SCAF11: variants seen among roughly 807,000 people sequenced by gnomAD.
SCAF11 encodes the protein protein SCAF11.
In SCAF11, 47 loss-of-function variants were observed where a neutral mutation model predicts 140.5. The ratio of observed to expected loss-of-function variants is 0.33; its 90% CI spans 0.26 to 0.43. The LOEUF is 0.43. SCAF11 is among the 20% of genes least tolerant of loss of function. SCAF11 has a pLI of 1.00. For synonymous variants in SCAF11, 557 were observed against 579.4 expected, an observed-to-expected ratio of 0.96 and a Z score of 0.55; for missense variants, 1,645 against 1,705.1, an observed-to-expected ratio of 0.96 and a Z score of 0.62.
chr12:45,986,477 GCTAA>G (rs1173410724), intron 1 of SCAF11, among the ~76,000 whole-genome samples: 1 of 152,068 alleles, frequency 6.6e-6, no homozygotes, highest in Admixed American at 6.5e-5. Context: ...AAAAAAGCCT[GCTAA>G]CTAATTCTCC....
chr12:45,970,612 T>C (rs1946050765), intron 1 of SCAF11, among the ~76,000 whole-genome samples: 1 of 152,246 alleles, frequency 6.6e-6, no homozygotes, highest in Admixed American at 6.5e-5. Flanking sequence ...AAGAAGATTA[T>C]CAGTGACCTG....
intron 1 of SCAF11, among the ~76,000 whole-genome samples, chr12:45,972,422 A>C (rs916138978): frequency 2.0e-5 from 3 of 151,902 alleles, no homozygotes; most frequent in Non-Finnish European, 2.9e-5. Flanking sequence ...TCTCTACAAA[A>C]AATAGAAAAT....
chr12:45,942,845 T>C (rs1397262823), intron 6 of SCAF11, among the ~76,000 whole-genome samples: 1 of 152,240 alleles, frequency 6.6e-6, no homozygotes, highest in African/African-American at 2.4e-5. Flanking sequence ...GCCTGTTTTA[T>C]ATTTATATTT....
At chr12:45,989,282 A>G (rs1457102102) in intron 1 of SCAF11, among the ~76,000 whole-genome samples, 1 of 152,264 alleles carries the variant, frequency 6.6e-6, no homozygotes, top group Non-Finnish European at 1.5e-5. Context: ...TGCTTTTCCC[A>G]AAATTCGGGG....
At position 45,920,796 on chromosome 12, in the gene SCAF11, A is replaced by T. The variant is rs1944688220; in HGVS notation, c.*1252T>A. On this transcript the variant is annotated 3_prime_UTR_variant, in exon 15 of 15. Coordinates refer to ENST00000369367, the MANE Select transcript of SCAF11 (RefSeq NM_004719.3). Reference sequence around the variant, plus strand: ...GCATTTGGGGATTTTCAAGTGTGAAAATATTTCATCAGTGATTAGATAAAC... The same window carrying T: ...GCATTTGGGGATTTTCAAGTGTGAATATATTTCATCAGTGATTAGATAAAC... The T allele has an allele frequency of 6.6e-6, 1 of 152,654 alleles. No homozygotes were observed. The highest frequency in any genetic ancestry group is 1.5e-5 in the Non-Finnish European group (1 of 68,016). 9.5% of individuals were successfully genotyped at this position (152,654 alleles called of 1,614,324 possible).
intron 6 of SCAF11, among the ~76,000 whole-genome samples, chr12:45,942,208 G>C (rs1338414149): frequency 1.3e-5 from 2 of 152,210 alleles, no homozygotes; most frequent in Non-Finnish European, 2.9e-5. Flanking sequence ...GTAATACACT[G>C]ATTTCTGACT....
chr12:45,934,089 G>T, intron 8 of SCAF11, 87 bp downstream of exon 8: 1 of 735,300 alleles, frequency 1.4e-6, no homozygotes, highest in Non-Finnish European at 2.0e-6. Flanking sequence ...AGTTTTTATT[G>T]GGCCCAGAGT....
At chr12:45,941,839 CATGA>C (rs1004751700) in intron 6 of SCAF11, among the ~76,000 whole-genome samples, 2 of 152,172 alleles carry the variant, frequency 1.3e-5, no homozygotes, top group African/African-American at 4.8e-5. Flanking sequence ...TCTGCTTATT[CATGA>C]ATGTTTTTCA....
At chr12:45,974,097 G>A in intron 1 of SCAF11, 1 of 418,826 alleles carries the variant, frequency 2.4e-6, no homozygotes, top group Non-Finnish European at 5.0e-6. Flanking sequence ...AAAATTTTTG[G>A]TTTCCTAGTA....
intron 6 of SCAF11, among the ~76,000 whole-genome samples, chr12:45,943,733 C>T (rs1281917152): frequency 6.6e-6 from 1 of 152,132 alleles, no homozygotes; most frequent in Admixed American, 6.6e-5. Context: ...TTGTATTACC[C>T]ACTCAAAGTA....
At chr12:45,987,724 G>A (rs1194852101) in intron 1 of SCAF11, among the ~76,000 whole-genome samples, 1 of 152,166 alleles carries the variant, frequency 6.6e-6, no homozygotes, top group African/African-American at 2.4e-5. Flanking sequence ...GAGCCTTGTA[G>A]ACCATAGGAG....
At chr12:45,929,281 C>G (rs1944984138) in intron 10 of SCAF11, 1 of 154,022 alleles carries the variant, frequency 6.5e-6, no homozygotes, top group South Asian at 2.0e-4. Flanking sequence ...CCTCAGCCTC[C>G]CAGGTAGCTG....
chr12:45,948,013 T>C (rs920332904), intron 5 of SCAF11, among the ~76,000 whole-genome samples: 1 of 152,172 alleles, frequency 6.6e-6, no homozygotes, highest in Non-Finnish European at 1.5e-5. Flanking sequence ...ACATTTTATT[T>C]TACAAAAGGT....
At chr12:45,990,619 C>G (rs1349886745), upstream of SCAF11, 11 of 1,213,320 alleles carry the variant, frequency 9.1e-6, no homozygotes, top group Admixed American at 4.2e-5. Context: ...CCTCCCCTCC[C>G]TGCGCGTCTC....
At chr12:45,990,723 G>A, upstream of SCAF11, 5 of 585,874 alleles carry the variant, frequency 8.5e-6, no homozygotes, top group Non-Finnish European at 1.2e-5. Context: ...CTCTGGCCCT[G>A]AGTGCATGTT....
intron 6 of SCAF11, 81 bp downstream of exon 6, chr12:45,945,168 A>T: frequency 1.2e-6 from 1 of 812,646 alleles, no homozygotes. Context: ...CTGAAGTGTT[A>T]CTGATGAGAA....
chr12:45,926,817 A>G lies in SCAF11; in HGVS notation c.2884T>C (p.Tyr962His). ...CATCTTCCCTTCCACCGGGGAGAGT[A>G]ACTATCTCTGTCAATTCTACCAAAT... is the stretch of plus-strand genomic sequence containing the variant. ...SSFGRIDRDSYSPRWKGRWAN... is the reference protein window; with the variant it reads ...SSFGRIDRDSHSPRWKGRWAN... Residue 962 changes from tyrosine to histidine, a missense_variant, in exon 11 of 15, where the codon TAC becomes CAC. By Grantham distance (83) the Tyr-to-His change is moderately conservative (BLOSUM62 2). Around this residue, in one of 2 missense-constraint regions of SCAF11, gnomAD observed 1,582 missense variants for 1,609.2 expected, o/e 0.98. Transcript: ENST00000369367. The G allele has an allele frequency of 6.2e-7, 1 of 1,614,108 alleles. No homozygotes were observed. Among genetic ancestry groups the G allele is most frequent in the African/African-American group, 1.3e-5 (1 of 75,018 alleles).
chr12:45,959,341 C>T (rs548822750), intron 3 of SCAF11, among the ~76,000 whole-genome samples: 5 of 151,902 alleles, frequency 3.3e-5, no homozygotes, highest in African/African-American at 1.2e-4. Context: ...AAGATTTTAA[C>T]GTCAGGCTAT....
intron 8 of SCAF11, among the ~76,000 whole-genome samples, 179 bp from the exon 9 acceptor site, chr12:45,933,411 C>T (rs1418095633): frequency 6.6e-6 from 1 of 151,870 alleles, no homozygotes; most frequent in African/African-American, 2.4e-5. Flanking sequence ...AAAATAAGTA[C>T]AATTTTTATA....
Sources: gnomAD v4.1 joint callset for allele counts (sites outside exome capture counted in the v4.1 genomes callset) on GRCh38, gnomAD v4.1.1 for gene constraint, gnomAD v4.1.1 regional missense constraint, MANE v1.5 for transcripts, NCBI Gene and HGNC (gene_info 2026-07-23, HGNC 2026-07-21) for gene names.